FAT1: variants seen among roughly 807,000 people sequenced by gnomAD.
The protein encoded by FAT1 is FAT atypical cadherin 1, also known as protocadherin Fat 1.
In FAT1, 171 loss-of-function variants were observed where a neutral mutation model predicts 329.8. The ratio of observed to expected loss-of-function variants is 0.52; its 90% CI spans 0.46 to 0.59. The LOEUF is 0.59. Ranked by LOEUF, FAT1 falls within the 20% of genes least tolerant of loss-of-function variation. The pLI is 0.00. For missense variants in FAT1, 5,672 were observed against 5,774.4 expected (o/e 0.98, Z 0.57); for synonymous variants, 2,233 against 2,228.6 (o/e 1.00, Z -0.06).
intron 3 of FAT1, among the ~76,000 whole-genome samples, chr4:186,645,366 CATATATATATATATATATATATAT>C (rs70964973): frequency 0.028 from 988 of 35,452 alleles, 48 homozygotes; most frequent in African/African-American, 0.067. Context: ...TACTTCATTA[CATATATATATATATATATATATAT>C]ATATATATAT....
chr4:186,605,938 T>C (rs1560927612), intron 17 of FAT1, 132 bp downstream of exon 17: 5 of 799,008 alleles, frequency 6.3e-6, no homozygotes, highest in Non-Finnish European at 1.0e-5. Flanking sequence ...TTAATACTGA[T>C]AGCGACTTCT....
intron 26 of FAT1, 106 bp from the exon 27 acceptor site, chr4:186,589,326 C>T: frequency 8.0e-7 from 1 of 1,251,276 alleles, no homozygotes; most frequent in Non-Finnish European, 1.1e-6. Context: ...CGCATTTATG[C>T]CTTCATTCAA....
At chr4:186,711,361 C>A (rs909683544) in intron 1 of FAT1, among the ~76,000 whole-genome samples, 14 of 152,126 alleles carry the variant, frequency 9.2e-5, no homozygotes, top group Admixed American at 9.2e-4. Flanking sequence ...AGATTTTTGG[C>A]TTCTAGGAGA....
intron 13 of FAT1, among the ~76,000 whole-genome samples, chr4:186,612,290 C>T (rs1480077046): frequency 6.6e-6 from 1 of 151,978 alleles, no homozygotes; most frequent in Admixed American, 6.6e-5. Context: ...CGTATAGGAG[C>T]CAATAATACA....
intron 7 of FAT1, among the ~76,000 whole-genome samples, chr4:186,629,245 G>C (rs958781538): frequency 7.2e-5 from 11 of 152,078 alleles, no homozygotes; most frequent in South Asian, 2.1e-4. Context: ...CCTGATCATA[G>C]GTTTTTTTAA....
chr4:186,611,811 A>G (rs1739460292), intron 13 of FAT1, 36 bp from the exon 14 acceptor site: 3 of 1,499,840 alleles, frequency 2.0e-6, no homozygotes, highest in Non-Finnish European at 2.7e-6. Flanking sequence ...AAGATTTTAA[A>G]TAAAAAAGTT....
chr4:186,610,363 G>A (rs1485180619), intron 14 of FAT1, among the ~76,000 whole-genome samples: 3 of 151,662 alleles, frequency 2.0e-5, no homozygotes, highest in South Asian at 4.2e-4. Flanking sequence ...AAATAAAAAC[G>A]TAAAAATTCT....
At chr4:186,652,579 A>G (rs1368453821) in intron 3 of FAT1, among the ~76,000 whole-genome samples, 1 of 152,236 alleles carries the variant, frequency 6.6e-6, no homozygotes, top group Non-Finnish European at 1.5e-5. Context: ...AAAAAAATCT[A>G]CAGATTCCTC....
intron 26 of FAT1, chr4:186,590,815 A>C (rs1738205796): frequency 2.6e-6 from 1 of 382,184 alleles, no homozygotes; most frequent in African/African-American, 2.1e-5. Flanking sequence ...CATAATGCAC[A>C]CACTTTATAG....
At chr4:186,656,232 G>A (rs1741898502) in intron 3 of FAT1, among the ~76,000 whole-genome samples, 1 of 152,210 alleles carries the variant, frequency 6.6e-6, no homozygotes, top group Admixed American at 6.5e-5. Flanking sequence ...TGACACAGAT[G>A]GTGGTGTGGA....
chr4:186,717,165 C>A (rs1306950391), intron 1 of FAT1, among the ~76,000 whole-genome samples: 2 of 144,912 alleles, frequency 1.4e-5, no homozygotes, highest in East Asian at 3.9e-4. Context: ...AAAAAAAAAA[C>A]TCTCTATTTT....
chr4:186,604,562 C>G lies in FAT1; in HGVS notation c.10363G>C (p.Val3455Leu), dbSNP rs2126440254. Residue 3455 changes from valine (V) to leucine (L), a missense_variant, in exon 18 of 27, where the codon GTG (valine) becomes CTG (leucine). Physicochemically the swap from Val to Leu is conservative, Grantham distance 32 (BLOSUM62 1). This residue lies in a region of FAT1 where 1,706 missense variants were observed against 1,859.1 expected (regional missense o/e 0.92). Transcript: ENST00000441802. Reference protein sequence around the residue: ...YSVIIQENKPVGFSVLQLVVT... With the variant: ...YSVIIQENKPLGFSVLQLVVT... ...ACCAGCTGCAGCACGCTGAAGCCCA[C>G]TGGCTTATTTTCCTGCACAAGATTA... The G allele has an allele frequency of 1.2e-6, 2 of 1,607,630 alleles. No individual in the cohort carries two copies. The highest frequency in any genetic ancestry group is 1.7e-6 in the Non-Finnish European group (2 of 1,177,392).
At position 186,609,937 on chromosome 4, in the gene FAT1, C is replaced by T. The variant is rs930631193; in HGVS notation, c.9932G>A (p.Gly3311Asp). The T allele has an allele frequency of 1.2e-6, 2 of 1,612,906 alleles. No individual in the cohort carries two copies. The highest frequency in any genetic ancestry group is 8.5e-7 in the Non-Finnish European group (1 of 1,179,032). The change falls in exon 15 of 27, where the codon GGC becomes GAC. Residue 3311 changes from glycine to aspartate, a missense_variant. This residue lies in a region of FAT1 where 1,706 missense variants were observed against 1,859.1 expected (regional missense o/e 0.92). Transcript: ENST00000441802. Reference protein sequence around the residue: ...YYLTVEATDGGTPSLSDVATV... With the variant: ...YYLTVEATDGDTPSLSDVATV... ...GGCAACGTCGCTCAGTGAAGGCGTG[C>T]CTCCATCAGTGGCCTCTACTGTTAG...
At position 186,663,601 on chromosome 4, in the gene FAT1, G is replaced by A. The variant is rs529192654; in HGVS notation, c.3278C>T (p.Thr1093Met). The change falls in exon 3 of 27, where the codon ACG (threonine) becomes ATG (methionine). Residue 1093 changes from threonine (T) to methionine (M), a missense_variant. Physicochemically the swap from Thr to Met is moderately conservative, Grantham distance 81. Coordinates refer to ENST00000441802, the MANE Select transcript of FAT1 (RefSeq NM_005245.4). ...KIGEETGVIE[T>M]SDRLDRESTS... ...CGATTCACGGTCCAGTCGATCTGAC[G>A]TCTCTATGACACCTACAGAGAAAAA... 89 of 1,607,734 alleles carry A rather than the reference G, an allele frequency of 5.5e-5. 3 individuals are homozygous for A. In the South Asian group the frequency reaches 8.3e-4, roughly 15 times the overall value.
At chr4:186,640,374 C>T (rs1468750341) in intron 3 of FAT1, among the ~76,000 whole-genome samples, 3 of 152,114 alleles carry the variant, frequency 2.0e-5, no homozygotes, top group Non-Finnish European at 4.4e-5. Context: ...TTTCAATATA[C>T]ATTTTGTCAG....
At chr4:186,610,638 TTATATAA>T (rs1739376570) in intron 14 of FAT1, among the ~76,000 whole-genome samples, 1 of 91,878 alleles carries the variant, frequency 1.1e-5, no homozygotes, top group Admixed American at 1.5e-4. Context: ...ATTATATAAT[TTATATAA>T]TTTATATAAA....
In FAT1 at chr4:186,621,041, C is replaced by T. The variant is rs2126521591; in HGVS notation, c.5545G>A (p.Val1849Met). The change falls in exon 10 of 27, where the codon GTG becomes ATG. Residue 1849 changes from valine to methionine, a missense_variant. Transcript: ENST00000441802. ...ETSIFHFTVQ[V>M]HDMGTPRLFA... ...AAACGTGGGGTTCCCATGTCATGCA[C>T]TTGGACGGTAAAGTGAAAAATACTT... The T allele has an allele frequency of 6.2e-7, 1 of 1,612,816 alleles. No individual in the cohort carries two copies. Among genetic ancestry groups the T allele is most frequent in the Admixed American group, 1.7e-5 (1 of 60,022 alleles).
chr4:186,610,321 G>A (rs1207880967), intron 14 of FAT1, among the ~76,000 whole-genome samples: 2 of 151,658 alleles, frequency 1.3e-5, no homozygotes, highest in African/African-American at 2.4e-5. Context: ...CCATACCATA[G>A]CTCACTCGAC....
rs867833343 is a variant in FAT1, at chr4:186,595,699, G to A, written c.13128C>T (p.Cys4376=). 15 of 1,613,740 alleles carry A rather than the reference G, an allele frequency of 9.3e-6. No individual in the cohort carries two copies. The African/African-American group carries it at 1.3e-4, about 14-fold the overall frequency. ...ACACTGCTGCCTCACCATTGTCATC[G>A]CACGATTCGGACTGGAAGGAGCTCA... is the stretch of plus-strand genomic sequence containing the variant. The part of the protein sequence containing the change: ...QSLSSFQSES[C]DDNGYHWDTS... The change falls in exon 26 of 27, where the codon TGC becomes TGT. Residue 4376 remains cysteine (C), a synonymous_variant. Coordinates refer to ENST00000441802, the MANE Select transcript of FAT1 (RefSeq NM_005245.4).
Sources: gnomAD v4.1 joint callset for allele counts (sites outside exome capture counted in the v4.1 genomes callset) on GRCh38, gnomAD v4.1.1 for gene constraint, gnomAD v4.1.1 regional missense constraint, MANE v1.5 for transcripts, NCBI Gene and HGNC (gene_info 2026-07-23, HGNC 2026-07-21) for gene names.